The following RTN4IP1 variants were observed in gnomAD, a reference collection of about 807,000 sequenced individuals.
RTN4IP1 encodes reticulon 4 interacting protein 1, also known as NAD(P)H oxidoreductase RTN4IP1, mitochondrial.
Under a neutral mutation model 46.6 loss-of-function variants are expected in RTN4IP1, and 32 were observed. The observed-to-expected ratio is 0.69, with a 90% CI of 0.52 to 0.92. RTN4IP1 has a LOEUF of 0.92. Ranked by LOEUF, RTN4IP1 falls within the 40% of genes least tolerant of loss-of-function variation. The probability of loss-of-function intolerance (pLI) is 0.00; values close to 1 mark genes in which losing one functional copy is unlikely to be tolerated. For missense variants in RTN4IP1, 424 were observed against 485.8 expected, an observed-to-expected ratio of 0.87 and a Z score of 1.20; for synonymous variants, 167 against 161.8, an observed-to-expected ratio of 1.03 and a Z score of -0.24.
At position 106,621,398 on chromosome 6, in the gene RTN4IP1, T is replaced by C. The variant is rs1870867; in HGVS notation, c.495+27A>G. 397,824 of 1,534,324 alleles carry C rather than the reference T, an allele frequency of 0.26. 61,322 individuals carry two copies. Among genetic ancestry groups the C allele is most frequent in the East Asian group, 0.6 (26,888 of 44,446 alleles). On this transcript the variant is annotated intron_variant, in intron 3 of 8. Transcript: ENST00000369063. Reference sequence around the variant, plus strand: ...GCCAGTCTTTGTTTAAACTTTCTAATGCATTTCAGCAGAGTTGGTAAGTTA... The same window carrying C: ...GCCAGTCTTTGTTTAAACTTTCTAACGCATTTCAGCAGAGTTGGTAAGTTA...
intron 5 of RTN4IP1, among the ~76,000 whole-genome samples, chr6:106,599,520 G>A (rs1452160724): frequency 6.8e-6 from 1 of 147,146 alleles, no homozygotes; most frequent in Non-Finnish European, 1.5e-5. Context: ...AGTTTCACTT[G>A]TTCTTGAATG....
At position 106,621,456 on chromosome 6, in the gene RTN4IP1, A is replaced by G; in HGVS notation, c.464T>C (p.Leu155Pro). 6.2e-7 allele frequency: 1 copy of G among 1,614,076 alleles called. No individual in the cohort carries two copies. The highest frequency in any genetic ancestry group is 8.5e-7 in the Non-Finnish European group (1 of 1,179,936). The change falls in exon 3 of 9, where the codon CTT becomes CCT. Residue 155 changes from leucine to proline, a missense_variant. Physicochemically the swap from Leu to Pro is moderately conservative, Grantham distance 98. Transcript: ENST00000369063. ...CCCACTGACTACAACAAACTCTGAAAGAGTGCCTTGTTTCCAAGGAGGAAC... is the reference window on the plus strand; with the variant it reads ...CCCACTGACTACAACAAACTCTGAAGGAGTGCCTTGTTTCCAAGGAGGAAC... Reference protein sequence around the residue: ...AAVPPWKQGTLSEFVVVSGNE... With the variant: ...AAVPPWKQGTPSEFVVVSGNE...
chr6:106,623,842 G>A (rs1178703442), intron 1 of RTN4IP1, among the ~76,000 whole-genome samples: 2 of 152,172 alleles, frequency 1.3e-5, no homozygotes, highest in Admixed American at 6.5e-5. Context: ...GTCTGGTGAA[G>A]ACAAATGTTT....
At chr6:106,611,603 A>G (rs1386360801) in intron 4 of RTN4IP1, among the ~76,000 whole-genome samples, 1 of 152,210 alleles carries the variant, frequency 6.6e-6, no homozygotes, top group East Asian at 1.9e-4. Flanking sequence ...TCACGGGGAA[A>G]ACAGATAAAA....
intron 4 of RTN4IP1, among the ~76,000 whole-genome samples, chr6:106,605,602 A>G (rs1420512901): frequency 6.6e-6 from 1 of 151,882 alleles, no homozygotes; most frequent in African/African-American, 2.4e-5. Context: ...TCACGAGGTC[A>G]GGAGATCGAG....
At chr6:106,611,248 AT>A (rs1417602445) in intron 4 of RTN4IP1, among the ~76,000 whole-genome samples, 1 of 152,136 alleles carries the variant, frequency 6.6e-6, no homozygotes, top group African/African-American at 2.4e-5. Context: ...CTACAAAATG[AT>A]GATGACAGAA....
chr6:106,605,536 G>C (rs1001565907), intron 4 of RTN4IP1, among the ~76,000 whole-genome samples: 1 of 150,122 alleles, frequency 6.7e-6, no homozygotes, highest in South Asian at 2.1e-4. Context: ...CAAAGATGCT[G>C]GGTGCAGTGG....
intron 1 of RTN4IP1, among the ~76,000 whole-genome samples, chr6:106,628,475 A>G (rs951703274): frequency 6.6e-6 from 1 of 152,170 alleles, no homozygotes; most frequent in African/African-American, 2.4e-5. Context: ...CTCAAAAAAA[A>G]AAAAGTTAGC....
chr6:106,583,894 T>C (rs376815472), intron 7 of RTN4IP1, among the ~76,000 whole-genome samples: 12 of 151,856 alleles, frequency 7.9e-5, no homozygotes, highest in African/African-American at 2.2e-4. Context: ...CCAATCACAA[T>C]TTTTTTTTCT....
intron 5 of RTN4IP1, among the ~76,000 whole-genome samples, chr6:106,596,465 T>G (rs1275565288): frequency 6.6e-6 from 1 of 152,182 alleles, no homozygotes; most frequent in African/African-American, 2.4e-5. Context: ...GTGCCTGTAG[T>G]TCTACCTACT....
upstream of RTN4IP1, chr6:106,629,741 G>T: frequency 6.3e-7 from 1 of 1,590,776 alleles, no homozygotes; most frequent in Middle Eastern, 1.7e-4. Flanking sequence ...CCCCGGGAGG[G>T]CGGAAAGTTT....
At chr6:106,578,899 G>GTTC (rs539229458) in intron 8 of RTN4IP1, among the ~76,000 whole-genome samples, 3 of 151,158 alleles carry the variant, frequency 2.0e-5, no homozygotes, top group Admixed American at 6.6e-5. Flanking sequence ...CATGGTCTAA[G>GTTC]TTCTTCTTCT....
At chr6:106,609,138 T>C (rs1421689828) in intron 4 of RTN4IP1, among the ~76,000 whole-genome samples, 1 of 152,244 alleles carries the variant, frequency 6.6e-6, no homozygotes, top group East Asian at 1.9e-4. Context: ...CTGTTATCTA[T>C]GCCACACATC....
intron 8 of RTN4IP1, among the ~76,000 whole-genome samples, chr6:106,574,798 C>A (rs1775181252): frequency 6.6e-6 from 1 of 152,178 alleles, no homozygotes; most frequent in African/African-American, 2.4e-5. Context: ...ACCGGCTGAA[C>A]TGAATGTTCA....
At chr6:106,602,760 G>T in intron 5 of RTN4IP1, 114 bp downstream of exon 5, 2 of 622,408 alleles carry the variant, frequency 3.2e-6, no homozygotes, top group East Asian at 3.1e-5. Flanking sequence ...TGAAATTACA[G>T]TACATTTACC....
At chr6:106,575,685 G>C (rs1045252527) in intron 8 of RTN4IP1, among the ~76,000 whole-genome samples, 1 of 152,200 alleles carries the variant, frequency 6.6e-6, no homozygotes, top group Non-Finnish European at 1.5e-5. Flanking sequence ...TCACAAAACA[G>C]TAGAGTTAAC....
rs1212459249 is a variant in RTN4IP1 at position 106,628,881 on chromosome 6, C to T, written c.141G>A (p.Val47=). The change falls in exon 1 of 9, where the codon GTG becomes GTA. Residue 47 remains valine (V), a synonymous_variant. Coordinates refer to ENST00000369063, the MANE Select transcript of RTN4IP1 (RefSeq NM_032730.5). ...CTTCATTCTTCCCATATTTATCTATCACCCAAGCAGGCATGACAGTGCTCC... is the reference window on the plus strand; with the variant it reads ...CTTCATTCTTCCCATATTTATCTATTACCCAAGCAGGCATGACAGTGCTCC... The part of the protein sequence containing the change: ...SPRSTVMPAW[V]IDKYGKNEVL... 1 of 1,614,048 alleles carries T rather than the reference C, an allele frequency of 6.2e-7. No individual in the cohort carries two copies. The highest frequency in any genetic ancestry group is 1.3e-5 in the African/African-American group (1 of 74,934).
At chr6:106,578,062 C>T (rs575163295) in intron 8 of RTN4IP1, among the ~76,000 whole-genome samples, 1 of 152,264 alleles carries the variant, frequency 6.6e-6, no homozygotes, top group African/African-American at 2.4e-5. Context: ...CTTCAAAACA[C>T]AGTTACACAG....
chr6:106,617,603 A>G (rs1242837584), intron 4 of RTN4IP1, among the ~76,000 whole-genome samples: 1 of 152,234 alleles, frequency 6.6e-6, no homozygotes, highest in Non-Finnish European at 1.5e-5. Flanking sequence ...TTGCTTAAAC[A>G]GAAGATAACA....
Sources: gnomAD v4.1 joint callset for allele counts (sites outside exome capture counted in the v4.1 genomes callset) on GRCh38, gnomAD v4.1.1 for gene constraint, MANE v1.5 for transcripts, NCBI Gene and HGNC (gene_info 2026-07-23, HGNC 2026-07-21) for gene names.